Variants in EED observed in about 807,000 individuals in gnomAD.
The protein encoded by EED is polycomb protein EED.
In EED, 9 loss-of-function variants were observed where a neutral mutation model predicts 61.0. The observed-to-expected ratio is 0.15, with a 90% CI of 0.09 to 0.26. The LOEUF is 0.26. EED is among the 10% of genes least tolerant of loss of function. The pLI, the probability that EED is intolerant of heterozygous loss-of-function variation, is 1.00. For synonymous variants in EED, 187 were observed against 174.4 expected (o/e 1.07, Z -0.57); for missense variants, 315 against 542.3 (o/e 0.58, Z 4.16).
At position 86,278,466 on chromosome 11, in the gene EED, A is replaced by T; in HGVS notation, c.1267A>T (p.Ser423Cys). The change falls in exon 12 of 12, where the codon AGC (serine) becomes TGC (cysteine). Residue 423 changes from serine (S) to cysteine (C), a missense_variant. Around this residue, in one of 2 missense-constraint regions of EED, gnomAD observed 205 missense variants for 455.4 expected, o/e 0.45. Transcript: ENST00000263360. The part of the protein sequence containing the change: ...IRQTSFSRDS[S>C]ILIAVCDDAS... ...ACAAACCAGTTTTAGCAGGGATAGCAGCATTCTTATAGCTGTTTGTGATGA... is the reference window on the plus strand; with the variant it reads ...ACAAACCAGTTTTAGCAGGGATAGCTGCATTCTTATAGCTGTTTGTGATGA... 6.2e-7 allele frequency: 1 copy of T among 1,613,732 alleles called. No homozygotes were observed. The highest frequency in any genetic ancestry group is 1.3e-5 in the African/African-American group (1 of 75,044).
chr11:86,249,539 G>A (rs189981764), intron 1 of EED, among the ~76,000 whole-genome samples: 62 of 152,218 alleles, frequency 4.1e-4, no homozygotes, highest in African/African-American at 1.4e-3. Flanking sequence ...GAGATTAGAG[G>A]GCCACTCGTG....
At chr11:86,254,733 C>T (rs1387647762) in intron 3 of EED, among the ~76,000 whole-genome samples, 1 of 152,120 alleles carries the variant, frequency 6.6e-6, no homozygotes, top group Non-Finnish European at 1.5e-5. Flanking sequence ...AGTGATTCAC[C>T]AGCCTCAGCC....
chr11:86,281,318 T>G (rs1160566240), downstream of EED, among the ~76,000 whole-genome samples: 2 of 152,250 alleles, frequency 1.3e-5, no homozygotes, highest in Non-Finnish European at 2.9e-5. Context: ...AGTTGTAATA[T>G]TTCCTCTTTC....
chr11:86,245,005 G>A lies in EED; in HGVS notation c.-225G>A, dbSNP rs1593710383. 1 of 457,926 alleles carries A rather than the reference G, an allele frequency of 2.2e-6. No individual in the cohort carries two copies. Among genetic ancestry groups the A allele is most frequent in the East Asian group, 3.9e-5 (1 of 25,386 alleles). The allele number at this position is 457,926 out of a possible 1,614,324, so 28.4% of individuals were successfully genotyped here. ...GGAGTTGGGGAAGGGAAGGAGCCAG[G>A]AAGCCGCGCGGGAGGGCGCGCGCGC... On this transcript the variant is annotated 5_prime_UTR_variant, in exon 1 of 12. Transcript: ENST00000263360.
chr11:86,275,356 G>C (rs1403266641), intron 9 of EED, among the ~76,000 whole-genome samples: 2 of 152,184 alleles, frequency 1.3e-5, no homozygotes, highest in African/African-American at 2.4e-5. Context: ...CTGAATTTTA[G>C]GTGGTAGGCT....
At chr11:86,262,250 T>C (rs1288817553) in intron 6 of EED, among the ~76,000 whole-genome samples, 1 of 152,124 alleles carries the variant, frequency 6.6e-6, no homozygotes, top group African/African-American at 2.4e-5. Flanking sequence ...TCCTTTTTAA[T>C]TACAAATTTC....
intron 1 of EED, among the ~76,000 whole-genome samples, chr11:86,248,301 G>T (rs574980568): frequency 6.6e-6 from 1 of 152,192 alleles, no homozygotes; most frequent in Non-Finnish European, 1.5e-5. Flanking sequence ...TTTGCCTTGG[G>T]AGGAGATGGG....
At chr11:86,270,965 AT>A (rs940405940) in intron 9 of EED, among the ~76,000 whole-genome samples, 2 of 151,254 alleles carry the variant, frequency 1.3e-5, no homozygotes, top group Admixed American at 6.6e-5. Context: ...TCCCGCTTTT[AT>A]TTTTTTCATA....
At position 86,246,309 on chromosome 11, in the gene EED, CCTT is replaced by C. The variant is rs575580573; in HGVS notation, c.114+969_114+971del. Among the ~76,000 whole-genome samples the C allele has an allele frequency of 1.2e-4, 18 of 152,360 alleles. No homozygotes were observed. The South Asian group carries it at 3.7e-3, about 32-fold the overall frequency. On this transcript the variant is annotated intron_variant, in intron 1 of 11. Coordinates refer to ENST00000263360, the MANE Select transcript of EED (RefSeq NM_003797.5). ...AGATACTACTCCAAAATGTGATTCT[CCTT>C]CTCATGATATATAACAACTTGTGAA...
chr11:86,279,144 T>C (rs1286382996), downstream of EED, among the ~76,000 whole-genome samples: 1 of 152,250 alleles, frequency 6.6e-6, no homozygotes, highest in Non-Finnish European at 1.5e-5. Flanking sequence ...TGTAATAGTT[T>C]CATAAGTAAT....
intron 7 of EED, chr11:86,265,020 C>T (rs974111090): frequency 2.0e-5 from 3 of 152,142 alleles, no homozygotes; most frequent in East Asian, 1.9e-4. Flanking sequence ...TACCTTCCTT[C>T]GAATACCTTG....
At chr11:86,265,935 T>G in intron 7 of EED, 148 bp from the exon 8 acceptor site, 1 of 560,536 alleles carries the variant, frequency 1.8e-6, no homozygotes, top group Non-Finnish European at 3.0e-6. Flanking sequence ...TAGTAAACTC[T>G]GATTTATGGC....
chr11:86,284,669 C>G, the EED span: 1 of 152,182 alleles, frequency 6.6e-6, no homozygotes, highest in Non-Finnish European at 1.5e-5. Context: ...ATTCCTGGAG[C>G]CCCCTGTACT....
downstream of EED, among the ~76,000 whole-genome samples, chr11:86,280,509 A>G (rs1183500066): frequency 6.6e-6 from 1 of 152,136 alleles, no homozygotes; most frequent in Non-Finnish European, 1.5e-5. Flanking sequence ...AAAACACATT[A>G]TTTTCACTCA....
At chr11:86,256,243 C>A in intron 4 of EED, 144 bp from the exon 5 acceptor site, 1 of 672,594 alleles carries the variant, frequency 1.5e-6, no homozygotes, top group Non-Finnish European at 2.2e-6. Flanking sequence ...GACCTCAAAT[C>A]ACCATTGTAT....
At chr11:86,263,546 A>G (rs942664385) in intron 6 of EED, among the ~76,000 whole-genome samples, 3 of 152,162 alleles carry the variant, frequency 2.0e-5, no homozygotes, top group Non-Finnish European at 4.4e-5. Flanking sequence ...AGGCTTCACT[A>G]ATTTTTAAAT....
At chr11:86,285,822 T>A in the EED span, among the ~76,000 whole-genome samples, 1 of 152,188 alleles carries the variant, frequency 6.6e-6, no homozygotes, top group East Asian at 1.9e-4. Context: ...GGTCTCGAAC[T>A]CCTGACCTCA....
downstream of EED, among the ~76,000 whole-genome samples, chr11:86,282,849 G>T (rs368044366): frequency 1.3e-5 from 2 of 152,290 alleles, no homozygotes; most frequent in South Asian, 4.1e-4. Context: ...ACAGGCAGTG[G>T]TGGAGCATAG....
At chr11:86,275,388 C>G (rs572074115) in intron 9 of EED, among the ~76,000 whole-genome samples, 1 of 152,132 alleles carries the variant, frequency 6.6e-6, no homozygotes, top group African/African-American at 2.4e-5. Flanking sequence ...TATTGGTGGT[C>G]TCAAATCTGG....
Sources: gnomAD v4.1 joint callset for allele counts (sites outside exome capture counted in the v4.1 genomes callset) on GRCh38, gnomAD v4.1.1 for gene constraint, gnomAD v4.1.1 regional missense constraint, MANE v1.5 for transcripts, NCBI Gene and HGNC (gene_info 2026-07-23, HGNC 2026-07-21) for gene names.